KIF21A: variants seen among roughly 807,000 people sequenced by gnomAD.
KIF21A encodes the protein kinesin-like protein KIF21A.
In KIF21A, 114 loss-of-function variants were observed where a neutral mutation model predicts 202.9. That is an observed-to-expected ratio of 0.56 (90% CI 0.48 to 0.66). KIF21A has a LOEUF of 0.66. Among genes scored for constraint, KIF21A ranks in the 30% least tolerant of loss-of-function variants. The probability of loss-of-function intolerance (pLI) is 0.00; values close to 1 mark genes in which losing one functional copy is unlikely to be tolerated. For missense variants in KIF21A, 1,677 were observed against 1,994.9 expected (o/e 0.84, Z 3.04); for synonymous variants, 667 against 670.8 (o/e 0.99, Z 0.09).
intron 28 of KIF21A, among the ~76,000 whole-genome samples, chr12:39,319,169 T>C (rs1457800290): frequency 2.0e-5 from 3 of 152,134 alleles, no homozygotes; most frequent in Non-Finnish European, 4.4e-5. Context: ...TTAAAGTAAT[T>C]CACTTCACTA....
At chr12:39,339,903 G>A (rs1947305982) in intron 16 of KIF21A, among the ~76,000 whole-genome samples, 1 of 152,128 alleles carries the variant, frequency 6.6e-6, no homozygotes, top group Non-Finnish European at 1.5e-5. Flanking sequence ...TGTTAAGCTT[G>A]CATAAGAGTT....
At chr12:39,318,874 G>A (rs1453631216) in intron 28 of KIF21A, among the ~76,000 whole-genome samples, 3 of 152,062 alleles carry the variant, frequency 2.0e-5, no homozygotes, top group African/African-American at 7.2e-5. Context: ...CCAGCTACTC[G>A]GGAGACTGAG....
rs1273575247 is a variant in KIF21A at position 39,341,532 on chromosome 12, C to T, written c.1894G>A (p.Glu632Lys). ...DDIDGGESSD[E>K]SDSESDEKAN... ...TTTTCATCTGATTCAGAATCTGATT[C>T]ATCAGAACTTTCACCCCCATCAATG... The change falls in exon 14 of 38, where the codon GAA (glutamate) becomes AAA (lysine). Residue 632 changes from glutamate (E) to lysine (K), a missense_variant. Coordinates refer to ENST00000361418, the MANE Select transcript of KIF21A (RefSeq NM_001173464.2). The T allele has an allele frequency of 1.2e-6, 2 of 1,612,892 alleles. No individual in the cohort carries two copies. Among genetic ancestry groups the T allele is most frequent in the Admixed American group, 1.7e-5 (1 of 59,968 alleles).
chr12:39,325,448 C>T (rs1404637524), intron 26 of KIF21A, among the ~76,000 whole-genome samples: 1 of 151,328 alleles, frequency 6.6e-6, no homozygotes, highest in Non-Finnish European at 1.5e-5. Flanking sequence ...TCTCCTGCCT[C>T]AGCCTCCCGA....
At chr12:39,318,249 T>C (rs764111619) in intron 28 of KIF21A, 48 bp from the exon 29 acceptor site, 1 of 1,585,008 alleles carries the variant, frequency 6.3e-7, no homozygotes, top group Non-Finnish European at 8.7e-7. Context: ...TTGGTTATGA[T>C]TTGTTAGAAA....
intron 1 of KIF21A, among the ~76,000 whole-genome samples, chr12:39,409,381 T>TA (rs1356762401): frequency 9.2e-5 from 13 of 141,310 alleles, no homozygotes; most frequent in East Asian, 2.0e-4. Flanking sequence ...AAATAAAAAT[T>TA]AAAAAAACAA....
chr12:39,351,088 G>A lies in KIF21A; in HGVS notation c.1673+689C>T, dbSNP rs573903665. ...GTGTGTAAACATGTAAAGAATTTATGAGAATTTAACCACTTACACATTACA... is the reference window on the plus strand; with the variant it reads ...GTGTGTAAACATGTAAAGAATTTATAAGAATTTAACCACTTACACATTACA... On this transcript the variant is annotated intron_variant, in intron 11 of 37. Transcript: ENST00000361418. Among the ~76,000 whole-genome samples, 6 of 152,110 alleles carry A rather than the reference G, an allele frequency of 3.9e-5. No individual in the cohort carries two copies. In the South Asian group the frequency reaches 1.2e-3, roughly 32 times the overall value.
intron 32 of KIF21A, 40 bp downstream of exon 32, chr12:39,311,377 A>T (rs1342733795): frequency 1.9e-6 from 3 of 1,583,804 alleles, no homozygotes; most frequent in South Asian, 1.1e-5. Context: ...TTTTTTAAAA[A>T]AAAAGCTATT....
chr12:39,379,935 G>T (rs1950508421), intron 1 of KIF21A, among the ~76,000 whole-genome samples: 2 of 152,142 alleles, frequency 1.3e-5, no homozygotes, highest in South Asian at 4.1e-4. Flanking sequence ...GATCAAATCA[G>T]GGTTAATCTC....
rs181870804 is a variant in KIF21A at position 39,409,618 on chromosome 12, C to T, written c.44+33309G>A. 1.1e-4 allele frequency among the ~76,000 whole-genome samples: 17 copies of T among 151,790 alleles called. No individual in the cohort carries two copies. In the East Asian group the frequency reaches 3.3e-3, roughly 29 times the overall value. Reference sequence around the variant, plus strand: ...GAATTGTGATAATAATATCTATCATCTCATCCCAGCCCCAAAATGGCCATG... The same window carrying T: ...GAATTGTGATAATAATATCTATCATTTCATCCCAGCCCCAAAATGGCCATG... On this transcript the variant is annotated intron_variant, in intron 1 of 37. Transcript: ENST00000361418.
intron 1 of KIF21A, among the ~76,000 whole-genome samples, chr12:39,435,523 CTG>C (rs1938568660): frequency 6.6e-6 from 1 of 152,126 alleles, no homozygotes; most frequent in Non-Finnish European, 1.5e-5. Flanking sequence ...AAAATGTACT[CTG>C]TATTTCCTTC....
intron 9 of KIF21A, 61 bp from the exon 10 acceptor site, chr12:39,356,956 GA>G (rs953462833): frequency 1.2e-4 from 98 of 801,000 alleles, no homozygotes; most frequent in East Asian, 2.3e-4. Flanking sequence ...CAAAACAGGA[GA>G]AAAAAAAAGT....
At chr12:39,312,033 T>C (rs934633678) in intron 31 of KIF21A, 4 of 154,684 alleles carry the variant, frequency 2.6e-5, no homozygotes, top group South Asian at 2.0e-4. Flanking sequence ...ATAGGAATAA[T>C]TGAATGAAAA....
intron 1 of KIF21A, among the ~76,000 whole-genome samples, chr12:39,419,861 AG>A (rs1263307804): frequency 1.3e-5 from 2 of 152,148 alleles, no homozygotes; most frequent in Non-Finnish European, 2.9e-5. Context: ...ACCTAAAAGA[AG>A]AGAATTCTGG....
rs192733594 is a variant in KIF21A at position 39,305,448 on chromosome 12, A to T, written c.4443-510T>A. ...AGTGCGGTGGCTATTCACAGGCATG[A>T]TCATGGCACACTGCAGTCTCAATCT... On this transcript the variant is annotated intron_variant, in intron 34 of 37. Transcript: ENST00000361418. 2.5e-3 allele frequency among the ~76,000 whole-genome samples: 386 copies of T among 151,402 alleles called. 1 individual carries two copies. Among genetic ancestry groups the T allele is most frequent in the South Asian group, 0.012 (55 of 4,774 alleles).
chr12:39,315,644 C>T (rs1156599443), intron 30 of KIF21A, among the ~76,000 whole-genome samples: 1 of 151,820 alleles, frequency 6.6e-6, no homozygotes, highest in Non-Finnish European at 1.5e-5. Context: ...ATCTTCTTGA[C>T]ATCAATATTC....
chr12:39,386,783 G>GTTGAC (rs1950974951), intron 1 of KIF21A, among the ~76,000 whole-genome samples: 1 of 152,124 alleles, frequency 6.6e-6, no homozygotes, highest in Admixed American at 6.6e-5. Flanking sequence ...TGAAATCTAA[G>GTTGAC]TTGACTTTAC....
At chr12:39,423,238 A>G (rs1249969617) in intron 1 of KIF21A, among the ~76,000 whole-genome samples, 4 of 152,170 alleles carry the variant, frequency 2.6e-5, no homozygotes, top group East Asian at 1.9e-4. Context: ...TTCTTCTACT[A>G]TAAGTCAGTG....
chr12:39,366,205 T>A lies in KIF21A; in HGVS notation c.903+145A>T. 4 of 648,260 alleles carry A rather than the reference T, an allele frequency of 6.2e-6. No individual in the cohort carries two copies. In the South Asian group the frequency reaches 8.7e-5, roughly 14 times the overall value. The allele number at this position is 648,260 out of a possible 1,614,324, so 40.2% of individuals were successfully genotyped here. ...CCTACAACATGAGGAGATTGGAGAT[T>A]CAGTGCATTACTAATAACTGTTCTA... On this transcript the variant is annotated intron_variant, in intron 6 of 37. Transcript: ENST00000361418.
Sources: allele counts gnomAD v4.1 joint callset (sites outside exome capture counted in the v4.1 genomes callset), GRCh38; gene constraint gnomAD v4.1.1; transcripts MANE v1.5; gene names NCBI Gene and HGNC (gene_info 2026-07-23, HGNC 2026-07-21).